The following ATP6V1G3 variants were observed in gnomAD, a reference collection of about 807,000 sequenced individuals.
The protein encoded by ATP6V1G3 is V-type proton ATPase subunit G 3.
In ATP6V1G3, 9 loss-of-function variants were observed where a neutral mutation model predicts 9.3. The observed-to-expected ratio is 0.97, with a 90% CI of 0.59 to 1.69. ATP6V1G3 has a LOEUF of 1.69. Ranked by LOEUF, ATP6V1G3 falls within the 40% of genes most tolerant of loss-of-function variation. The probability of loss-of-function intolerance (pLI) is 0.00; values close to 1 mark genes in which losing one functional copy is unlikely to be tolerated. For missense variants in ATP6V1G3, 133 were observed against 139.0 expected, an observed-to-expected ratio of 0.96 and a Z score of 0.22; for synonymous variants, 43 against 43.8, an observed-to-expected ratio of 0.98 and a Z score of 0.07.
chr1:198,526,236 T>C (rs2103130863), intron 2 of ATP6V1G3, among the ~76,000 whole-genome samples: 1 of 152,296 alleles, frequency 6.6e-6, no homozygotes, highest in Middle Eastern at 3.4e-3. Flanking sequence ...AGAGTATTGA[T>C]TTAACCCATG....
chr1:198,525,262 TC>T (rs1400746612), intron 2 of ATP6V1G3, among the ~76,000 whole-genome samples: 1 of 152,170 alleles, frequency 6.6e-6, no homozygotes, highest in Non-Finnish European at 1.5e-5. Context: ...AAAAAATAAT[TC>T]TCTAAATTCA....
intron 1 of ATP6V1G3, among the ~76,000 whole-genome samples, chr1:198,534,825 T>C (rs1407590642): frequency 6.6e-6 from 1 of 152,190 alleles, no homozygotes; most frequent in African/African-American, 2.4e-5. Context: ...CAAAACTTCT[T>C]GGCTTTGGGC....
rs555025821 is a variant in ATP6V1G3, at chr1:198,523,223, T to A, written c.*168A>T. 7.8e-6 allele frequency: 5 copies of A among 642,764 alleles called. 1 individual carries two copies. The Middle Eastern group carries it at 1.2e-3, about 155-fold the overall frequency. The allele number at this position is 642,764 out of a possible 1,614,324, so 39.8% of individuals were successfully genotyped here. ...TTACTAGAAAAGATATAGCAACAGT[T>A]GTATTTTGTTTTGTTTAATTCAGTG... On this transcript the variant is annotated 3_prime_UTR_variant, in exon 3 of 3. Transcript: ENST00000367382.
At chr1:198,538,345 C>G (rs974890365) in intron 1 of ATP6V1G3, among the ~76,000 whole-genome samples, 2 of 152,108 alleles carry the variant, frequency 1.3e-5, no homozygotes, top group African/African-American at 4.8e-5. Flanking sequence ...GGACTTTTAT[C>G]TTTATTCTGA....
At chr1:198,540,750 C>T (rs958150684), upstream of ATP6V1G3, 5 of 1,238,618 alleles carry the variant, frequency 4.0e-6, no homozygotes, top group Admixed American at 8.7e-5. Flanking sequence ...ATTGTGTCAA[C>T]AGCAAGTTCC....
intron 2 of ATP6V1G3, among the ~76,000 whole-genome samples, chr1:198,527,834 A>T (rs1249679686): frequency 6.6e-6 from 1 of 152,188 alleles, no homozygotes; most frequent in African/African-American, 2.4e-5. Context: ...TGCTATGAGG[A>T]AAAAGAGTGG....
chr1:198,526,758 G>A (rs1033497415), intron 2 of ATP6V1G3, among the ~76,000 whole-genome samples: 16 of 152,222 alleles, frequency 1.1e-4, no homozygotes, highest in African/African-American at 3.9e-4. Flanking sequence ...ATGCTCTTGG[G>A]ATATAAATTC....
At chr1:198,529,392 T>C (rs1659802629) in intron 1 of ATP6V1G3, among the ~76,000 whole-genome samples, 1 of 151,668 alleles carries the variant, frequency 6.6e-6, no homozygotes, top group Non-Finnish European at 1.5e-5. Context: ...CAAACTTTGC[T>C]AAAAAAATAG....
chr1:198,528,427 G>A (rs536088713), intron 2 of ATP6V1G3, among the ~76,000 whole-genome samples: 1 of 152,140 alleles, frequency 6.6e-6, no homozygotes, highest in South Asian at 2.1e-4. Context: ...TATAATACAT[G>A]GAGTTAAGCA....
At chr1:198,531,758 G>A (rs1659907442) in intron 1 of ATP6V1G3, among the ~76,000 whole-genome samples, 1 of 152,048 alleles carries the variant, frequency 6.6e-6, no homozygotes, top group Non-Finnish European at 1.5e-5. Flanking sequence ...AGGCATCATG[G>A]CAATAAAACA....
rs767571258 is a variant in ATP6V1G3, at chr1:198,523,482, T to C, written c.266A>G (p.Asn89Ser). 2.5e-6 allele frequency: 4 copies of C among 1,613,410 alleles called. 1 individual carries two copies. The South Asian group carries it at 3.3e-5, about 13-fold the overall frequency. The part of the protein sequence containing the change: ...GKIQELNGHY[N>S]KYMESVMNQL... Reference sequence around the variant, plus strand: ...GTTCATCACACTTTCCATATACTTATTGTAGTGTCCATTAAGTTCTTGTAT... The same window carrying C: ...GTTCATCACACTTTCCATATACTTACTGTAGTGTCCATTAAGTTCTTGTAT... Residue 89 changes from asparagine (N) to serine (S), a missense_variant, in exon 3 of 3, where the codon AAT becomes AGT. Coordinates refer to ENST00000367382, the MANE Select transcript of ATP6V1G3 (RefSeq NM_001376861.1).
chr1:198,539,271 A>G (rs1039318730), intron 1 of ATP6V1G3, among the ~76,000 whole-genome samples: 5 of 152,158 alleles, frequency 3.3e-5, no homozygotes, highest in Non-Finnish European at 7.3e-5. Context: ...TTATGTTGTA[A>G]TATATTCCTT....
chr1:198,531,047 T>G (rs538579183), intron 1 of ATP6V1G3, among the ~76,000 whole-genome samples: 1 of 151,316 alleles, frequency 6.6e-6, no homozygotes, highest in Non-Finnish European at 1.5e-5. Flanking sequence ...TACCCTTGAG[T>G]GGAATTCAGC....
rs1660133164 is a variant in ATP6V1G3, at chr1:198,536,839, TAACTC to T, written c.82+3725_82+3729del. The T allele has an allele frequency of 3.6e-5, 30 of 835,070 alleles. No individual in the cohort carries two copies. In the South Asian group the frequency reaches 6.3e-4, roughly 18 times the overall value. 51.7% of individuals were successfully genotyped at this position (835,070 alleles called of 1,614,324 possible). On this transcript the variant is annotated intron_variant, in intron 1 of 2. Transcript: ENST00000367382. ...ACATGACATATATTAAAAATAAAAA[TAACTC>T]TAGTGTGTATTTTGCTTTACTATCT... is the stretch of plus-strand genomic sequence containing the variant.
Position 198,524,753 on chromosome 1 carries a change from A to T in ATP6V1G3, c.184-1189T>A, listed in dbSNP as rs181906935. Among the ~76,000 whole-genome samples the T allele has an allele frequency of 7.2e-5, 11 of 152,324 alleles. No homozygotes were observed. In the East Asian group the frequency reaches 1.7e-3, roughly 24 times the overall value. On this transcript the variant is annotated intron_variant, in intron 2 of 2. Coordinates refer to ENST00000367382, the MANE Select transcript of ATP6V1G3 (RefSeq NM_001376861.1). ...TCAACTCCTAACGTATCTCCTTTGT[A>T]AACTTAGTCTTTCCTACACATGGCA... is the stretch of plus-strand genomic sequence containing the variant.
intron 1 of ATP6V1G3, among the ~76,000 whole-genome samples, chr1:198,531,578 T>C (rs1659901419): frequency 1.3e-5 from 2 of 152,150 alleles, no homozygotes; most frequent in South Asian, 4.1e-4. Context: ...GGACTCTTCC[T>C]GGCCTTCTCA....
At chr1:198,538,838 A>G (rs1660225469) in intron 1 of ATP6V1G3, among the ~76,000 whole-genome samples, 1 of 150,306 alleles carries the variant, frequency 6.7e-6, no homozygotes, top group African/African-American at 2.5e-5. Flanking sequence ...TGGAGGTGGC[A>G]AGGAGCCCAG....
intron 1 of ATP6V1G3, among the ~76,000 whole-genome samples, chr1:198,531,924 GA>G (rs778307480): frequency 1.3e-5 from 2 of 151,776 alleles, no homozygotes; most frequent in African/African-American, 2.4e-5. Flanking sequence ...TAATTATTAG[GA>G]AAACGGGTCC....
At position 198,523,566 on chromosome 1, in the gene ATP6V1G3, T is replaced by G. The variant is rs768993893; in HGVS notation, c.184-2A>C. On this transcript the variant is annotated splice_acceptor_variant, in intron 2 of 2. Coordinates refer to ENST00000367382, the MANE Select transcript of ATP6V1G3 (RefSeq NM_001376861.1). LOFTEE classifies it high-confidence loss of function. Reference sequence around the variant, plus strand: ...GAGATTATTCTGAGAGCCCATTATCTACCAAAACAAAACAGACAGAATTCA... The same window carrying G: ...GAGATTATTCTGAGAGCCCATTATCGACCAAAACAAAACAGACAGAATTCA... 3.7e-6 allele frequency: 6 copies of G among 1,609,724 alleles called. No homozygotes were observed. Among genetic ancestry groups the G allele is most frequent in the Non-Finnish European group, 5.1e-6 (6 of 1,178,432 alleles).
Sources: allele counts gnomAD v4.1 joint callset (sites outside exome capture counted in the v4.1 genomes callset), GRCh38; gene constraint gnomAD v4.1.1; transcripts MANE v1.5; gene names NCBI Gene and HGNC (gene_info 2026-07-23, HGNC 2026-07-21).